The following UNC93A variants were observed in gnomAD, a reference collection of about 807,000 sequenced individuals.
The protein encoded by UNC93A is unc-93 homolog A.
Under a neutral mutation model 47.5 loss-of-function variants are expected in UNC93A, and 43 were observed. The observed-to-expected ratio is 0.91, with a 90% CI of 0.71 to 1.17. The LOEUF is 1.17. UNC93A is among the 50% of genes most tolerant of loss of function. The pLI is 0.00. For missense variants in UNC93A, 605 were observed against 577.6 expected (o/e 1.05, Z -0.49); for synonymous variants, 280 against 258.0 (o/e 1.09, Z -0.82).
chr6:167,311,162 A>G (rs4709165), intron 7 of UNC93A, among the ~76,000 whole-genome samples: 53,516 of 152,108 alleles, frequency 0.35, 9,610 homozygotes, highest in East Asian at 0.53. Context: ...CCCCAAATGT[A>G]TGCTTTCCTT....
At chr6:167,271,884 C>G (rs1292749606) in intron 1 of UNC93A, among the ~76,000 whole-genome samples, 1 of 152,148 alleles carries the variant, frequency 6.6e-6, no homozygotes, top group African/African-American at 2.4e-5. Context: ...GGGCAGCAAA[C>G]TGCAGCCAGC....
At chr6:167,285,274 G>A (rs1029581774) in intron 1 of UNC93A, among the ~76,000 whole-genome samples, 1 of 151,898 alleles carries the variant, frequency 6.6e-6, no homozygotes, top group African/African-American at 2.4e-5. Flanking sequence ...TTTGTCACAC[G>A]TCTTCCCGTG....
intron 1 of UNC93A, among the ~76,000 whole-genome samples, chr6:167,285,753 C>T (rs1435188546): frequency 1.3e-5 from 2 of 151,540 alleles, no homozygotes; most frequent in Non-Finnish European, 2.9e-5. Context: ...GCTTAGCTTA[C>T]CTTACAGAGT....
intron 1 of UNC93A, among the ~76,000 whole-genome samples, chr6:167,275,273 C>T (rs1230729947): frequency 6.6e-6 from 1 of 152,256 alleles, no homozygotes; most frequent in African/African-American, 2.4e-5. Flanking sequence ...GGCAGGATGG[C>T]CGCTGGCCCA....
At chr6:167,283,604 C>T (rs6935543) in intron 1 of UNC93A, among the ~76,000 whole-genome samples, 2,912 of 152,090 alleles carry the variant, frequency 0.019, 104 homozygotes, top group African/African-American at 0.067. Flanking sequence ...TGCGCTTGTC[C>T]TACCTCTAAA....
At chr6:167,308,697 C>T (rs1333416614) in intron 7 of UNC93A, among the ~76,000 whole-genome samples, 2 of 151,606 alleles carry the variant, frequency 1.3e-5, no homozygotes, top group African/African-American at 4.9e-5. Flanking sequence ...AAGTGTGGGG[C>T]CAGCATGTGG....
At chr6:167,270,268 G>C (rs1783431096), upstream of UNC93A, among the ~76,000 whole-genome samples, 1 of 152,156 alleles carries the variant, frequency 6.6e-6, no homozygotes, top group Non-Finnish European at 1.5e-5. Context: ...AATGGCTGTT[G>C]TGAAGCTCTG....
upstream of UNC93A, among the ~76,000 whole-genome samples, chr6:167,288,181 T>C (rs1783774118): frequency 6.6e-6 from 1 of 152,186 alleles, no homozygotes; most frequent in African/African-American, 2.4e-5. Context: ...CCCTCTCTGA[T>C]AAGTAATGGA....
chr6:167,297,227 A>T (rs1259701153), intron 3 of UNC93A, among the ~76,000 whole-genome samples: 1 of 152,194 alleles, frequency 6.6e-6, no homozygotes, highest in Non-Finnish European at 1.5e-5. Context: ...AGCACAGGAC[A>T]CAGAATCTGG....
intron 4 of UNC93A, among the ~76,000 whole-genome samples, chr6:167,302,124 C>A (rs1778257110): frequency 6.6e-6 from 1 of 152,152 alleles, no homozygotes; most frequent in Non-Finnish European, 1.5e-5. Context: ...CTAGGTGGAA[C>A]CACATTACCA....
At chr6:167,293,122 T>G (rs1783880053) in intron 1 of UNC93A, among the ~76,000 whole-genome samples, 1 of 152,166 alleles carries the variant, frequency 6.6e-6, no homozygotes, top group Non-Finnish European at 1.5e-5. Context: ...CTTTGCCTCT[T>G]CAGCCCCAGT....
Position 167,314,616 on chromosome 6 carries a change from C to A in UNC93A, c.1109-571C>A, listed in dbSNP as rs111840475. Among the ~76,000 whole-genome samples, 1,291 of 152,342 alleles carry A rather than the reference C, an allele frequency of 8.5e-3. 20 individuals are homozygous for A. Among genetic ancestry groups the A allele is most frequent in the Admixed American group, 0.043 (664 of 15,310 alleles). Reference sequence around the variant, plus strand: ...AGTCTAGCTGGGAACTGCTTAGCACCAACGTGCCTCCCGTTCTATTCAAAG... The same window carrying A: ...AGTCTAGCTGGGAACTGCTTAGCACAAACGTGCCTCCCGTTCTATTCAAAG... On this transcript the variant is annotated intron_variant, in intron 7 of 7. Coordinates refer to ENST00000230256, the MANE Select transcript of UNC93A (RefSeq NM_018974.4).
At chr6:167,272,308 T>C (rs373147398) in intron 1 of UNC93A, among the ~76,000 whole-genome samples, 30 of 152,254 alleles carry the variant, frequency 2.0e-4, no homozygotes, top group Admixed American at 7.8e-4. Context: ...GTGGCACAAA[T>C]CTCTGCTCTC....
At chr6:167,280,034 C>T (rs2346164) in intron 1 of UNC93A, among the ~76,000 whole-genome samples, 2 of 152,224 alleles carry the variant, frequency 1.3e-5, no homozygotes, top group Non-Finnish European at 2.9e-5. Context: ...CAAGAAGATG[C>T]TTGCTTTGGG....
In UNC93A at chr6:167,297,990, G is replaced by A. The variant is rs1778135725; in HGVS notation, c.545G>A (p.Cys182Tyr). The A allele has an allele frequency of 6.2e-7, 1 of 1,614,074 alleles. No homozygotes were observed. Among genetic ancestry groups the A allele is most frequent in the Non-Finnish European group, 8.5e-7 (1 of 1,180,016 alleles). The change falls in exon 4 of 8, where the codon TGC becomes TAC. Residue 182 changes from cysteine to tyrosine, a missense_variant. Physicochemically the swap from Cys to Tyr is radical, Grantham distance 194 (BLOSUM62 -2). Coordinates refer to ENST00000230256, the MANE Select transcript of UNC93A (RefSeq NM_018974.4). Reference protein sequence around the residue: ...EQLTSCGASDCLMATTTTNST... With the variant: ...EQLTSCGASDYLMATTTTNST... The stretch of plus-strand genomic sequence containing the variant: ...CTCACGTCCTGTGGGGCCAGTGACT[G>A]CCTGATGGCCACCACAACCACCAAC...
intron 1 of UNC93A, among the ~76,000 whole-genome samples, chr6:167,285,977 T>TAC (rs1424447723): frequency 0.013 from 1,841 of 146,928 alleles, 25 homozygotes; most frequent in Non-Finnish European, 0.017. Flanking sequence ...TATATATATA[T>TAC]ATACACACAC....
At chr6:167,302,970 G>A (rs979460799) in intron 4 of UNC93A, among the ~76,000 whole-genome samples, 4 of 152,118 alleles carry the variant, frequency 2.6e-5, no homozygotes, top group African/African-American at 9.7e-5. Flanking sequence ...TCTGTCCAGC[G>A]TGTCCGCACC....
At chr6:167,285,726 T>C (rs1220629756) in intron 1 of UNC93A, among the ~76,000 whole-genome samples, 1 of 151,642 alleles carries the variant, frequency 6.6e-6, no homozygotes, top group Non-Finnish European at 1.5e-5. Context: ...ATGGGCAGCC[T>C]GGAGGGTAGG....
At chr6:167,277,607 ATCTCTG>A (rs1783564518) in intron 1 of UNC93A, among the ~76,000 whole-genome samples, 1 of 151,046 alleles carries the variant, frequency 6.6e-6, no homozygotes, top group Non-Finnish European at 1.5e-5. Flanking sequence ...TTCTCTGGCT[ATCTCTG>A]TCTCTCTCTC....
Sources: gnomAD v4.1 joint callset for allele counts (sites outside exome capture counted in the v4.1 genomes callset) on GRCh38, gnomAD v4.1.1 for gene constraint, MANE v1.5 for transcripts, NCBI Gene and HGNC (gene_info 2026-07-23, HGNC 2026-07-21) for gene names.